Variants in KIAA1217 observed in about 807,000 individuals in gnomAD.
KIAA1217 encodes the protein KIAA1217, also known as sickle tail protein homolog.
KIAA1217 carries 88 observed loss-of-function variants against 163.9 expected under a neutral mutation model. The observed-to-expected ratio is 0.54, with a 90% CI of 0.45 to 0.64. The LOEUF (loss-of-function observed/expected upper bound fraction) is 0.64. Among genes scored for constraint, KIAA1217 ranks in the 30% least tolerant of loss-of-function variants. The pLI is 0.00. For synonymous variants in KIAA1217, 903 were observed against 923.1 expected, an observed-to-expected ratio of 0.98 and a Z score of 0.39; for missense variants, 2,372 against 2,475.0, an observed-to-expected ratio of 0.96 and a Z score of 0.88.
chr10:24,022,830 C>A (rs982298491), intron 2 of KIAA1217, among the ~76,000 whole-genome samples: 1 of 150,528 alleles, frequency 6.6e-6, no homozygotes, highest in Admixed American at 6.6e-5. Flanking sequence ...ATGACTATCC[C>A]AAAAGATTCA....
intron 2 of KIAA1217, among the ~76,000 whole-genome samples, chr10:24,142,987 C>T (rs1182949129): frequency 1.3e-5 from 2 of 152,190 alleles, no homozygotes; most frequent in East Asian, 3.8e-4. Flanking sequence ...TTCGTATACC[C>T]TTAAAAAGCA....
chr10:24,404,341 G>A (rs902111416), intron 3 of KIAA1217, among the ~76,000 whole-genome samples: 11 of 152,068 alleles, frequency 7.2e-5, no homozygotes, highest in South Asian at 4.1e-4. Flanking sequence ...GGCCAAGGTG[G>A]GCACATCACA....
chr10:24,282,522 T>A (rs994549050), intron 2 of KIAA1217, among the ~76,000 whole-genome samples: 16 of 152,208 alleles, frequency 1.1e-4, no homozygotes, highest in African/African-American at 3.4e-4. Context: ...TATAGACTCA[T>A]GGATATTTAT....
chr10:24,277,390 A>G (rs776005568), intron 2 of KIAA1217, among the ~76,000 whole-genome samples: 4 of 152,276 alleles, frequency 2.6e-5, no homozygotes, highest in Non-Finnish European at 5.9e-5. Context: ...AAGCCTCGTG[A>G]GTGGGATGGG....
chr10:24,002,515 C>T (rs551296545), intron 1 of KIAA1217, among the ~76,000 whole-genome samples: 27 of 152,270 alleles, frequency 1.8e-4, no homozygotes, highest in African/African-American at 6.3e-4. Context: ...GAGGCTCTGG[C>T]GGGGACCTCT....
At chr10:23,753,418 T>C (rs572504882) in intron 1 of KIAA1217, among the ~76,000 whole-genome samples, 1 of 152,210 alleles carries the variant, frequency 6.6e-6, no homozygotes, top group African/African-American at 2.4e-5. Context: ...ATCTGTACAT[T>C]TGCTTGTGAA....
intron 1 of KIAA1217, among the ~76,000 whole-genome samples, chr10:23,825,871 C>T (rs966926173): frequency 1.3e-5 from 2 of 152,192 alleles, no homozygotes; most frequent in Admixed American, 6.5e-5. Flanking sequence ...TTCTGACACT[C>T]GGTGTTTTTA....
chr10:24,199,746 C>CT (rs2067160633), intron 2 of KIAA1217, among the ~76,000 whole-genome samples: 2 of 152,090 alleles, frequency 1.3e-5, no homozygotes, highest in Admixed American at 1.3e-4. Context: ...TATTTTATTT[C>CT]ATAAGTGATT....
At chr10:24,376,177 C>T (rs1271853247) in intron 2 of KIAA1217, among the ~76,000 whole-genome samples, 2 of 152,136 alleles carry the variant, frequency 1.3e-5, no homozygotes, top group Admixed American at 6.5e-5. Context: ...GACATAAATG[C>T]GGAAAGCCAG....
intron 16 of KIAA1217, among the ~76,000 whole-genome samples, chr10:24,535,149 G>A (rs986848319): frequency 2.0e-5 from 3 of 152,178 alleles, no homozygotes; most frequent in African/African-American, 4.8e-5. Flanking sequence ...CTCTGAAATC[G>A]AGGGTCTAAT....
intron 3 of KIAA1217, among the ~76,000 whole-genome samples, chr10:24,421,107 G>A (rs941340120): frequency 6.6e-6 from 1 of 152,138 alleles, no homozygotes. Context: ...CTGGGTTTAA[G>A]CAATTCTCCT....
chr10:23,997,134 G>T (rs1846522840), intron 1 of KIAA1217, among the ~76,000 whole-genome samples: 1 of 152,140 alleles, frequency 6.6e-6, no homozygotes, highest in African/African-American at 2.4e-5. Context: ...TGTGCTTTTA[G>T]TGTTTCTTAA....
intron 1 of KIAA1217, among the ~76,000 whole-genome samples, chr10:23,994,402 C>T (rs963334716): frequency 2.0e-5 from 3 of 152,206 alleles, no homozygotes; most frequent in African/African-American, 4.8e-5. Flanking sequence ...CACAGCCCAA[C>T]ACCACCTTAT....
At chr10:24,140,700 G>A (rs981752988) in intron 2 of KIAA1217, among the ~76,000 whole-genome samples, 40 of 152,278 alleles carry the variant, frequency 2.6e-4, no homozygotes, top group Admixed American at 7.2e-4. Flanking sequence ...TTTTTGAACT[G>A]AGGTTAATTG....
intron 2 of KIAA1217, among the ~76,000 whole-genome samples, chr10:24,045,309 C>T (rs1300487365): frequency 6.6e-6 from 1 of 151,968 alleles, no homozygotes; most frequent in Non-Finnish European, 1.5e-5. Flanking sequence ...TGAAATTTCA[C>T]TGAAGTATTT....
At chr10:24,122,277 T>C (rs2131780311) in intron 2 of KIAA1217, among the ~76,000 whole-genome samples, 1 of 152,256 alleles carries the variant, frequency 6.6e-6, no homozygotes, top group East Asian at 1.9e-4. Context: ...ATTAATTCAC[T>C]TAGGATAATG....
intron 2 of KIAA1217, among the ~76,000 whole-genome samples, chr10:24,028,910 A>T (rs1053669749): frequency 1.3e-5 from 2 of 152,192 alleles, no homozygotes; most frequent in Admixed American, 6.5e-5. Context: ...ACCTAAAAAA[A>T]TTCTGAGTTA....
chr10:24,362,338 A>G (rs1282327693), intron 2 of KIAA1217, among the ~76,000 whole-genome samples: 6 of 152,232 alleles, frequency 3.9e-5, no homozygotes, highest in Non-Finnish European at 7.3e-5. Context: ...AGCACTTTGC[A>G]TTTCTTGAAT....
At chr10:24,075,893 G>C (rs550027144) in intron 2 of KIAA1217, among the ~76,000 whole-genome samples, 1 of 152,092 alleles carries the variant, frequency 6.6e-6, no homozygotes, top group South Asian at 2.1e-4. Flanking sequence ...CATGAGCCAC[G>C]ACTCCCAGCC....
Sources: allele counts gnomAD v4.1 joint callset (sites outside exome capture counted in the v4.1 genomes callset), GRCh38; gene constraint gnomAD v4.1.1; transcripts MANE v1.5; gene names NCBI Gene and HGNC (gene_info 2026-07-23, HGNC 2026-07-21).